The following PIK3CA variants were observed in gnomAD, a reference collection of about 807,000 sequenced individuals.
The protein encoded by PIK3CA is phosphatidylinositol-4,5-bisphosphate 3-kinase catalytic subunit alpha.
Under a neutral mutation model 138.2 loss-of-function variants are expected in PIK3CA, and 27 were observed. The observed-to-expected ratio is 0.20, with a 90% CI of 0.14 to 0.27. The LOEUF is 0.27. Among genes scored for constraint, PIK3CA ranks in the 10% least tolerant of loss-of-function variants. PIK3CA has a pLI of 1.00. For synonymous variants in PIK3CA, 358 were observed against 413.2 expected (o/e 0.87, Z 1.62); for missense variants, 544 against 1,277.4 (o/e 0.43, Z 8.75).
chr3:179,219,818 T>G lies in PIK3CA; in HGVS notation c.1911+83T>G. On this transcript the variant is annotated intron_variant, in intron 12 of 20. Transcript: ENST00000263967. This position sits in a 1 kb window ranked among gnomAD's most constrained non-coding sequence, Gnocchi z 4.2. ...CCATACAACTTCCTTTTAAAAAACC[T>G]ACTGCACTAACTAGTTTTATGCTTA... 2 of 1,438,246 alleles carry G rather than the reference T, an allele frequency of 1.4e-6. No individual in the cohort carries two copies. Among genetic ancestry groups the G allele is most frequent in the East Asian group, 4.7e-5 (2 of 42,272 alleles). 89.1% of individuals were successfully genotyped at this position (1,438,246 alleles called of 1,614,324 possible). A position where few individuals can be genotyped will look rare whatever the true frequency, so the allele number is the denominator to read the frequency against.
At position 179,236,113 on chromosome 3, in the gene PIK3CA, T is replaced by C. The variant is rs1377985666; in HGVS notation, c.*1749T>C. ...AAAAATATTCATTTATGAAATCTGTTACCTATAGTTGAAGTCTTGAGTAGT... is the reference window on the plus strand; with the variant it reads ...AAAAATATTCATTTATGAAATCTGTCACCTATAGTTGAAGTCTTGAGTAGT... On this transcript the variant is annotated 3_prime_UTR_variant, in exon 21 of 21. Transcript: ENST00000263967. 1 of 205,580 alleles carries C rather than the reference T, an allele frequency of 4.9e-6. No individual in the cohort carries two copies. The highest frequency in any genetic ancestry group is 5.9e-5 in the Admixed American group (1 of 16,818). 12.7% of individuals were successfully genotyped at this position (205,580 alleles called of 1,614,324 possible).
intron 1 of PIK3CA, among the ~76,000 whole-genome samples, chr3:179,152,854 G>T (rs1415976080): frequency 6.6e-6 from 1 of 152,122 alleles, no homozygotes; most frequent in Non-Finnish European, 1.5e-5. Context: ...CAACCTGCTT[G>T]GGAAATAATT....
intron 1 of PIK3CA, among the ~76,000 whole-genome samples, chr3:179,151,994 G>T (rs1321264552): frequency 6.6e-6 from 1 of 152,108 alleles, no homozygotes. Context: ...CTTATATACT[G>T]TACAGTAGTA....
At chr3:179,206,011 A>C (rs183630003) in intron 6 of PIK3CA, among the ~76,000 whole-genome samples, 2 of 151,876 alleles carry the variant, frequency 1.3e-5, no homozygotes, top group Non-Finnish European at 2.9e-5. Flanking sequence ...TCCTCAGCCT[A>C]CCTAAACCAC....
At position 179,199,862 on chromosome 3, in the gene PIK3CA, A is replaced by G. The variant is rs761899678; in HGVS notation, c.525A>G (p.Pro175=). 2 of 1,611,806 alleles carry G rather than the reference A, an allele frequency of 1.2e-6. No individual in the cohort carries two copies. The highest frequency in any genetic ancestry group is 1.7e-6 in the Non-Finnish European group (2 of 1,178,014). The change falls in exon 3 of 21, where the codon CCA becomes CCG. Residue 175 remains proline, a synonymous_variant. Coordinates refer to ENST00000263967, the MANE Select transcript of PIK3CA (RefSeq NM_006218.4). ...YVYPPNVESS[P]ELPKHIYNKL... is the part of the protein sequence containing the mutation. Reference sequence around the variant, plus strand: ...ATCCTCCAAATGTAGAATCTTCACCAGAATTGCCAAAGCACATATATAATA... The same window carrying G: ...ATCCTCCAAATGTAGAATCTTCACCGGAATTGCCAAAGCACATATATAATA...
intron 9 of PIK3CA, 42 bp downstream of exon 9, chr3:179,210,607 T>C: frequency 6.3e-7 from 1 of 1,589,904 alleles, no homozygotes; most frequent in East Asian, 2.2e-5. Flanking sequence ...AATTATAATC[T>C]GTGGATTTAG....
At chr3:179,189,682 A>C (rs1724078710) in intron 1 of PIK3CA, among the ~76,000 whole-genome samples, 1 of 152,218 alleles carries the variant, frequency 6.6e-6, no homozygotes, top group Non-Finnish European at 1.5e-5. Context: ...TAAATCTCTG[A>C]AATATATTTT....
chr3:179,202,974 T>C (rs1238883544), intron 4 of PIK3CA, among the ~76,000 whole-genome samples: 1 of 143,308 alleles, frequency 7.0e-6, no homozygotes, highest in Non-Finnish European at 1.5e-5. Context: ...GGAGTCTTGC[T>C]CTGTCGCCCA....
chr3:179,152,915 A>G (rs925844852), intron 1 of PIK3CA, among the ~76,000 whole-genome samples: 5 of 152,194 alleles, frequency 3.3e-5, no homozygotes, highest in African/African-American at 1.2e-4. Context: ...AACTATTCAC[A>G]CATATATAAT....
intron 1 of PIK3CA, among the ~76,000 whole-genome samples, chr3:179,157,562 C>A (rs1165087642): frequency 6.6e-6 from 1 of 152,052 alleles, no homozygotes; most frequent in Non-Finnish European, 1.5e-5. Context: ...TTAAATGTAT[C>A]ATGCTGTGGT....
At chr3:179,222,277 A>G (rs1442829434) in intron 14 of PIK3CA, among the ~76,000 whole-genome samples, 1 of 152,186 alleles carries the variant, frequency 6.6e-6, no homozygotes, top group Non-Finnish European at 1.5e-5. Context: ...ATTAATGTAA[A>G]TGTCATACAG....
intron 1 of PIK3CA, among the ~76,000 whole-genome samples, chr3:179,183,981 G>C (rs1284728545): frequency 6.6e-6 from 1 of 151,684 alleles, no homozygotes; most frequent in Non-Finnish European, 1.5e-5. Context: ...TAAAAGCAAG[G>C]TCCTTCTAGT....
intron 1 of PIK3CA, among the ~76,000 whole-genome samples, chr3:179,197,108 G>A (rs1196206598): frequency 1.3e-5 from 2 of 151,706 alleles, no homozygotes; most frequent in South Asian, 2.1e-4. Flanking sequence ...GAGCGATCTC[G>A]GCTCACTGCA....
At chr3:179,152,934 G>C (rs1275396551) in intron 1 of PIK3CA, among the ~76,000 whole-genome samples, 22 of 152,062 alleles carry the variant, frequency 1.4e-4, no homozygotes, top group Admixed American at 1.4e-3. Context: ...ATAATATGCA[G>C]GAGGGTACAG....
Position 179,209,629 on chromosome 3 carries a change from C to T in PIK3CA, c.1180C>T (p.Pro394Ser). 3 of 1,611,432 alleles carry T rather than the reference C, an allele frequency of 1.9e-6. No individual in the cohort carries two copies. The highest frequency in any genetic ancestry group is 2.5e-6 in the Non-Finnish European group (3 of 1,178,392). ...NEWLNYDIYI[P>S]DLPRAARLCL... ...ATGGCTGAATTATGATATATACATT[C>T]CTGATCTTCCTCGTGCTGCTCGACT... The change falls in exon 7 of 21, where the codon CCT becomes TCT. Residue 394 changes from proline (P) to serine (S), a missense_variant. Around this residue, in one of 14 missense-constraint regions of PIK3CA, gnomAD observed 234 missense variants for 401.3 expected, o/e 0.58. Coordinates refer to ENST00000263967, the MANE Select transcript of PIK3CA (RefSeq NM_006218.4).
chr3:179,220,110 T>C lies in PIK3CA; in HGVS notation c.2015+58T>C, dbSNP rs932228821. On this transcript the variant is annotated intron_variant, in intron 13 of 20. Transcript: ENST00000263967. The surrounding 1 kb of genome is among the most constrained non-coding windows in gnomAD (Gnocchi z 4.1). ...AGGTACATATTACTTGCTTTCTTAA[T>C]AGATTTATAAATATGTATTACTTAT... is the stretch of plus-strand genomic sequence containing the variant. 3 of 1,195,192 alleles carry C rather than the reference T, an allele frequency of 2.5e-6. No individual in the cohort carries two copies. Among genetic ancestry groups the C allele is most frequent in the Non-Finnish European group, 3.5e-6 (3 of 848,912 alleles). 74.0% of individuals were successfully genotyped at this position (1,195,192 alleles called of 1,614,324 possible). A position where few individuals can be genotyped will look rare whatever the true frequency, so the allele number is the denominator to read the frequency against.
intron 9 of PIK3CA, 101 bp downstream of exon 9, chr3:179,210,666 A>C: frequency 8.7e-7 from 1 of 1,151,448 alleles, no homozygotes; most frequent in East Asian, 2.4e-5. Flanking sequence ...ACTGGCATAG[A>C]TACTATGAAC....
chr3:179,177,362 G>C (rs1285619574), intron 1 of PIK3CA, among the ~76,000 whole-genome samples: 3 of 146,598 alleles, frequency 2.0e-5, no homozygotes, highest in Admixed American at 6.9e-5. Context: ...GCCCAGGCTG[G>C]CGTGCAGTGG....
At position 179,239,347 on chromosome 3, in the gene PIK3CA, G is replaced by A. The variant is rs1725394225; in HGVS notation, c.*4983G>A. On this transcript the variant is annotated 3_prime_UTR_variant, in exon 21 of 21. Coordinates refer to ENST00000263967, the MANE Select transcript of PIK3CA (RefSeq NM_006218.4). ...GTCAATTTTTCTAGGTTGGCAAGGAGGCAGAAAACCTTCATTGTTTCATAT... is the reference window on the plus strand; with the variant it reads ...GTCAATTTTTCTAGGTTGGCAAGGAAGCAGAAAACCTTCATTGTTTCATAT... The A allele has an allele frequency of 5.0e-6, 1 of 201,000 alleles. No individual in the cohort carries two copies. Among genetic ancestry groups the A allele is most frequent in the Admixed American group, 6.0e-5 (1 of 16,644 alleles). 12.5% of individuals were successfully genotyped at this position (201,000 alleles called of 1,614,324 possible).
Sources: gnomAD v4.1 joint callset for allele counts (sites outside exome capture counted in the v4.1 genomes callset) on GRCh38, gnomAD v4.1.1 for gene constraint, gnomAD v4.1.1 regional missense constraint, Gnocchi (gnomAD v3.1) non-coding constraint, MANE v1.5 for transcripts, NCBI Gene and HGNC (gene_info 2026-07-23, HGNC 2026-07-21) for gene names.